The following PTPRD variants were observed in gnomAD, a reference collection of about 807,000 sequenced individuals.
PTPRD encodes the protein receptor-type tyrosine-protein phosphatase delta.
In PTPRD, 34 loss-of-function variants were observed where a neutral mutation model predicts 214.5. That is an observed-to-expected ratio of 0.16 (90% CI 0.12 to 0.21). The LOEUF (loss-of-function observed/expected upper bound fraction) is 0.21, where lower values mean the gene tolerates loss of function less well. Ranked by LOEUF, PTPRD falls within the 10% of genes least tolerant of loss-of-function variation. The pLI is 1.00. For missense variants in PTPRD, 2,545 were observed against 2,398.7 expected (o/e 1.06, Z -1.27); for synonymous variants, 1,128 against 845.7 (o/e 1.33, Z -5.79).
At chr9:9,163,885 A>C (rs145031636) in intron 10 of PTPRD, among the ~76,000 whole-genome samples, 44 of 152,176 alleles carry the variant, frequency 2.9e-4, no homozygotes, top group African/African-American at 1.1e-3. Context: ...TCTCAGATTC[A>C]CTTTAGCACC....
intron 7 of PTPRD, among the ~76,000 whole-genome samples, chr9:9,693,427 C>T (rs1201798386): frequency 3.9e-5 from 6 of 152,100 alleles, no homozygotes; most frequent in African/African-American, 1.4e-4. Flanking sequence ...CCAGCTTCTT[C>T]TTCCACCATA....
At chr9:9,245,681 G>C (rs7470197) in intron 9 of PTPRD, among the ~76,000 whole-genome samples, 11 of 151,840 alleles carry the variant, frequency 7.2e-5, no homozygotes, top group Admixed American at 7.2e-4. Context: ...ATGATGAGTT[G>C]ATGGGTGCAG....
At chr9:9,540,197 G>T (rs2077294874) in intron 8 of PTPRD, among the ~76,000 whole-genome samples, 1 of 151,804 alleles carries the variant, frequency 6.6e-6, no homozygotes. Flanking sequence ...CCAGGGCTTT[G>T]CAATATGCTG....
At chr9:10,484,281 T>C (rs2784617) in intron 2 of PTPRD, among the ~76,000 whole-genome samples, 43,973 of 151,854 alleles carry the variant, frequency 0.29, 7,530 homozygotes, top group African/African-American at 0.47. Flanking sequence ...ACAATGGACA[T>C]TGGAGACTCA....
chr9:9,164,062 T>C (rs1303416106), intron 10 of PTPRD, among the ~76,000 whole-genome samples: 1 of 152,190 alleles, frequency 6.6e-6, no homozygotes, highest in Non-Finnish European at 1.5e-5. Context: ...TTTATTATTA[T>C]GCCTATTATA....
chr9:8,814,487 A>C (rs1265442902), intron 11 of PTPRD, among the ~76,000 whole-genome samples: 1 of 152,188 alleles, frequency 6.6e-6, no homozygotes, highest in Non-Finnish European at 1.5e-5. Context: ...GACCCCAGAA[A>C]GGGTGAGGTC....
chr9:8,623,628 T>C (rs2095891073), intron 14 of PTPRD, among the ~76,000 whole-genome samples: 1 of 151,914 alleles, frequency 6.6e-6, no homozygotes, highest in Admixed American at 6.6e-5. Context: ...CAACTCACAT[T>C]TCCTGAGTGC....
intron 3 of PTPRD, among the ~76,000 whole-genome samples, chr9:10,124,941 A>G (rs975254435): frequency 1.3e-5 from 2 of 152,212 alleles, no homozygotes; most frequent in Non-Finnish European, 2.9e-5. Flanking sequence ...CCAGAAGACC[A>G]TCTTCAGAAA....
chr9:9,477,328 CA>C (rs777343342), intron 8 of PTPRD, among the ~76,000 whole-genome samples: 20 of 152,150 alleles, frequency 1.3e-4, no homozygotes, highest in Non-Finnish European at 2.8e-4. Context: ...TTGAGATTAA[CA>C]GCATGAGGAT....
intron 7 of PTPRD, among the ~76,000 whole-genome samples, chr9:9,673,476 A>G (rs1219258307): frequency 6.6e-6 from 1 of 151,916 alleles, no homozygotes; most frequent in Non-Finnish European, 1.5e-5. Flanking sequence ...TGGTTAGATT[A>G]ATCCCACTGT....
intron 39 of PTPRD, among the ~76,000 whole-genome samples, chr9:8,375,359 A>C (rs1002820848): frequency 3.9e-5 from 6 of 152,042 alleles, no homozygotes; most frequent in African/African-American, 1.4e-4. Flanking sequence ...ATTACCTTTG[A>C]GTACATAAAA....
chr9:9,454,098 C>G (rs1296193519), intron 8 of PTPRD, among the ~76,000 whole-genome samples: 1 of 151,454 alleles, frequency 6.6e-6, no homozygotes, highest in Non-Finnish European at 1.5e-5. Context: ...AAGTGTAAGA[C>G]AATGTTTACT....
At chr9:9,241,485 G>A (rs1451546885) in intron 9 of PTPRD, among the ~76,000 whole-genome samples, 1 of 152,078 alleles carries the variant, frequency 6.6e-6, no homozygotes, top group East Asian at 1.9e-4. Flanking sequence ...AGACAACTTT[G>A]AGAAACTAAG....
chr9:9,333,651 C>A (rs556856494), intron 9 of PTPRD, among the ~76,000 whole-genome samples: 1 of 151,392 alleles, frequency 6.6e-6, no homozygotes, highest in Admixed American at 6.6e-5. Context: ...AGCTGTATGA[C>A]TAACATACCA....
At chr9:8,591,624 C>A (rs2094113463) in intron 14 of PTPRD, among the ~76,000 whole-genome samples, 1 of 152,132 alleles carries the variant, frequency 6.6e-6, no homozygotes, top group Non-Finnish European at 1.5e-5. Flanking sequence ...TGAATATTAT[C>A]TTAAGAATTT....
chr9:10,015,228 T>C (rs2096679630), intron 4 of PTPRD, among the ~76,000 whole-genome samples: 1 of 152,134 alleles, frequency 6.6e-6, no homozygotes, highest in South Asian at 2.1e-4. Context: ...AGCTTTTTCA[T>C]TGGTTTAGCT....
chr9:9,344,997 G>A (rs1296231717), intron 9 of PTPRD, among the ~76,000 whole-genome samples: 1 of 151,986 alleles, frequency 6.6e-6, no homozygotes, highest in South Asian at 2.1e-4. Context: ...AAATTGATAA[G>A]GGACAAAATA....
chr9:9,531,819 C>T (rs1170372315), intron 8 of PTPRD, among the ~76,000 whole-genome samples: 1 of 152,010 alleles, frequency 6.6e-6, no homozygotes, highest in Non-Finnish European at 1.5e-5. Context: ...TTACTGAGAA[C>T]AGTTCTTTTT....
chr9:10,182,010 C>G (rs2154307821), intron 3 of PTPRD, among the ~76,000 whole-genome samples: 1 of 138,572 alleles, frequency 7.2e-6, no homozygotes, highest in South Asian at 2.5e-4. Flanking sequence ...AATCCCAGCA[C>G]TTTGTGAGGC....
Sources: allele counts gnomAD v4.1 joint callset (sites outside exome capture counted in the v4.1 genomes callset), GRCh38; gene constraint gnomAD v4.1.1; transcripts MANE v1.5; gene names NCBI Gene and HGNC (gene_info 2026-07-23, HGNC 2026-07-21).